Variants in FOCAD observed in about 807,000 individuals in gnomAD.
The protein encoded by FOCAD is focadhesin.
FOCAD carries 198 observed loss-of-function variants against 225.6 expected under a neutral mutation model. The ratio of observed to expected loss-of-function variants is 0.88; its 90% CI spans 0.78 to 0.99. The LOEUF (loss-of-function observed/expected upper bound fraction) is 0.99. Among genes scored for constraint, FOCAD ranks in the 50% least tolerant of loss-of-function variants. FOCAD has a pLI of 0.00. For missense variants in FOCAD, 2,713 were observed against 2,123.6 expected, an observed-to-expected ratio of 1.28 and a Z score of -5.46; for synonymous variants, 897 against 755.0, an observed-to-expected ratio of 1.19 and a Z score of -3.08.
At chr9:20,663,747 C>G in intron 2 of FOCAD, among the ~76,000 whole-genome samples, 1 of 152,174 alleles carries the variant, frequency 6.6e-6, no homozygotes, top group East Asian at 1.9e-4. Context: ...ACAGTATTTT[C>G]TGAAAGACTT....
chr9:20,694,366 G>A (rs759508137), intron 1 of FOCAD, among the ~76,000 whole-genome samples: 1 of 152,100 alleles, frequency 6.6e-6, no homozygotes, highest in Admixed American at 6.5e-5. Context: ...TGAATTTATA[G>A]CATACTCTTA....
At chr9:20,792,202 A>C (rs1042855179) in intron 11 of FOCAD, among the ~76,000 whole-genome samples, 1 of 152,198 alleles carries the variant, frequency 6.6e-6, no homozygotes, top group Non-Finnish European at 1.5e-5. Context: ...GTTTCTATCC[A>C]TAAGGTTTAA....
intron 11 of FOCAD, among the ~76,000 whole-genome samples, chr9:20,815,137 G>GTTTTTTTTTTTTTGTTT (rs1823568393): frequency 1.4e-5 from 1 of 69,116 alleles, no homozygotes; most frequent in African/African-American, 6.0e-5. Flanking sequence ...TTTTTTTTTT[G>GTTTTTTTTTTTTTGTTT]TTTTTTTTTT....
intron 2 of FOCAD, among the ~76,000 whole-genome samples, chr9:20,672,018 C>T (rs556609368): frequency 1.6e-3 from 246 of 151,356 alleles, no homozygotes; most frequent in Middle Eastern, 0.014. Flanking sequence ...AGCCTGTTTA[C>T]CAGCACACCA....
rs1835233744 is a variant in FOCAD, at chr9:20,929,205, C to G, written c.3079-153C>G. 8 of 594,696 alleles carry G rather than the reference C, an allele frequency of 1.3e-5. No homozygotes were observed. In the East Asian group the frequency reaches 2.2e-4, roughly 16 times the overall value. 36.8% of individuals were successfully genotyped at this position (594,696 alleles called of 1,614,324 possible). A position where few individuals can be genotyped will look rare whatever the true frequency, so the allele number is the denominator to read the frequency against. On this transcript the variant is annotated intron_variant, in intron 26 of 43. Coordinates refer to ENST00000338382, the MANE Select transcript of FOCAD (RefSeq NM_001375567.1). ...TAATAATGAAAACATAATCTATAGA[C>G]AAAAACGTTTGGATTTTTAAAAAAT...
chr9:20,684,690 C>A (rs947089078), intron 1 of FOCAD: 2 of 152,360 alleles, frequency 1.3e-5, no homozygotes, highest in Non-Finnish European at 2.9e-5. Context: ...CTCCTTCGAC[C>A]GGTTCCCTAG....
At chr9:20,678,744 C>G (rs1010412702) in intron 2 of FOCAD, among the ~76,000 whole-genome samples, 1 of 152,210 alleles carries the variant, frequency 6.6e-6, no homozygotes. Flanking sequence ...ATGCCCCAAA[C>G]ACAGCTTCTT....
intron 15 of FOCAD, among the ~76,000 whole-genome samples, chr9:20,826,799 C>T (rs1824939182): frequency 6.6e-6 from 1 of 151,984 alleles, no homozygotes; most frequent in Non-Finnish European, 1.5e-5. Context: ...GGGCTTGTTT[C>T]CTTTGAAAAA....
chr9:20,933,296 C>G (rs1011618597), intron 28 of FOCAD, among the ~76,000 whole-genome samples, 193 bp downstream of exon 28: 2 of 152,160 alleles, frequency 1.3e-5, no homozygotes, highest in Non-Finnish European at 2.9e-5. Flanking sequence ...GCCCCCATCA[C>G]CCAAGCAGTA....
intron 2 of FOCAD, among the ~76,000 whole-genome samples, chr9:20,671,847 C>T (rs1358093882): frequency 3.9e-5 from 6 of 152,162 alleles, no homozygotes; most frequent in East Asian, 1.9e-4. Context: ...GGAGTGCTGC[C>T]GCTGGCTTGT....
rs531146461 is a variant in FOCAD at position 20,971,627 on chromosome 9, G to A, written c.4133-4793G>A. ...GCTAATTTTTTGTATTTTTAGTAGAGATGAGATGGAATTTCTCCATTCAAT... is the reference window on the plus strand; with the variant it reads ...GCTAATTTTTTGTATTTTTAGTAGAAATGAGATGGAATTTCTCCATTCAAT... On this transcript the variant is annotated intron_variant, in intron 35 of 43. Coordinates refer to ENST00000338382, the MANE Select transcript of FOCAD (RefSeq NM_001375567.1). 4.6e-5 allele frequency among the ~76,000 whole-genome samples: 7 copies of A among 152,054 alleles called. No individual in the cohort carries two copies. In the South Asian group the frequency reaches 1.5e-3, roughly 32 times the overall value.
chr9:20,692,669 G>A (rs779795472), intron 1 of FOCAD, among the ~76,000 whole-genome samples: 1 of 152,134 alleles, frequency 6.6e-6, no homozygotes, highest in Non-Finnish European at 1.5e-5. Flanking sequence ...TCTGCTCTAC[G>A]TGGTCAGTAA....
chr9:20,926,739 C>T (rs780958341), intron 26 of FOCAD, among the ~76,000 whole-genome samples: 20 of 149,912 alleles, frequency 1.3e-4, no homozygotes, highest in Non-Finnish European at 2.4e-4. Context: ...GCCAAGATCG[C>T]GCCATTGCAC....
In FOCAD at chr9:20,866,917, T is replaced by TTTTTTTTTTAA; in HGVS notation, c.2107-12_2107-11insTTTTTTTTTAA. 3.9e-6 allele frequency: 3 copies of TTTTTTTTTTAA among 764,970 alleles called. No homozygotes were observed. The highest frequency in any genetic ancestry group is 6.0e-6 in the Non-Finnish European group (3 of 498,466). The allele number at this position is 764,970 out of a possible 1,614,324, so 47.4% of individuals were successfully genotyped here. ...TTTTTTTTTTTTTTTTTTTTTTTTT[T>TTTTTTTTTTAA]ACCCTATCTAGGACCCAATTGTAGC... is the stretch of plus-strand genomic sequence containing the variant. On this transcript the variant is annotated splice_polypyrimidine_tract_variant and intron_variant, in intron 17 of 43. Transcript: ENST00000338382.
chr9:20,770,192 C>A lies in FOCAD; in HGVS notation c.860C>A (p.Ser287Ter). ...EVSLKITGEC[S>*]SSIHLLEHSV... ...AGCTTAAAGATAACTGGTGAATGTT[C>A]ATCTTCAATTCACCTTTTAGAGCAC... The change falls in exon 8 of 44, where the codon TCA becomes TAA. Residue 287 changes from serine (S) to a stop codon, truncating the protein, a stop_gained. Coordinates refer to ENST00000338382, the MANE Select transcript of FOCAD (RefSeq NM_001375567.1). LOFTEE classifies it high-confidence loss of function. The A allele has an allele frequency of 6.2e-7, 1 of 1,614,002 alleles. No individual in the cohort carries two copies. The highest frequency in any genetic ancestry group is 1.1e-5 in the South Asian group (1 of 91,056).
At chr9:20,769,455 G>A (rs770748919) in intron 7 of FOCAD, among the ~76,000 whole-genome samples, 12 of 152,108 alleles carry the variant, frequency 7.9e-5, no homozygotes, top group Middle Eastern at 3.2e-3. Context: ...AATTGCATTG[G>A]GATTTTCAAG....
intron 34 of FOCAD, chr9:20,952,456 A>G (rs961131170): frequency 6.5e-6 from 1 of 152,692 alleles, no homozygotes; most frequent in Non-Finnish European, 1.5e-5. Flanking sequence ...TCACCATTCC[A>G]GCTCAGCAAC....
intron 4 of FOCAD, among the ~76,000 whole-genome samples, chr9:20,723,291 C>T (rs1173625095): frequency 1.3e-5 from 2 of 152,184 alleles, no homozygotes; most frequent in South Asian, 2.1e-4. Flanking sequence ...AGTTCGAGAC[C>T]AGCCTGGCCA....
chr9:20,672,508 T>A (rs1822095271), intron 2 of FOCAD, among the ~76,000 whole-genome samples: 1 of 152,220 alleles, frequency 6.6e-6, no homozygotes, highest in African/African-American at 2.4e-5. Context: ...TGGAGTGCAG[T>A]GGCGCAATCT....
Sources: gnomAD v4.1 joint callset for allele counts (sites outside exome capture counted in the v4.1 genomes callset) on GRCh38, gnomAD v4.1.1 for gene constraint, MANE v1.5 for transcripts, NCBI Gene and HGNC (gene_info 2026-07-23, HGNC 2026-07-21) for gene names.